HSPH1: variants seen among roughly 807,000 people sequenced by gnomAD.
HSPH1 encodes the protein heat shock protein 105 kDa.
In HSPH1, 40 loss-of-function variants were observed where a neutral mutation model predicts 100.0. The ratio of observed to expected loss-of-function variants is 0.40; its 90% CI spans 0.31 to 0.52. The LOEUF is 0.52. Ranked by LOEUF, HSPH1 falls within the 20% of genes least tolerant of loss-of-function variation. The pLI, the probability that HSPH1 is intolerant of heterozygous loss-of-function variation, is 0.54. For missense variants in HSPH1, 876 were observed against 1,015.1 expected (o/e 0.86, Z 1.86); for synonymous variants, 403 against 344.0 (o/e 1.17, Z -1.90).
intron 12 of HSPH1, among the ~76,000 whole-genome samples, chr13:31,141,801 TACACACAC>T (rs58627057): frequency 3.3e-5 from 3 of 91,570 alleles, no homozygotes; most frequent in African/African-American, 7.9e-5. Flanking sequence ...TACACATACA[TACACACAC>T]ACACACACAC....
chr13:31,143,865 G>T lies in HSPH1; in HGVS notation c.1643C>A (p.Ala548Asp). The T allele has an allele frequency of 1.2e-6, 2 of 1,611,698 alleles. No homozygotes were observed. Among genetic ancestry groups the T allele is most frequent in the Non-Finnish European group, 1.7e-6 (2 of 1,178,622 alleles). Residue 548 changes from alanine (A) to aspartate (D), a missense_variant, in exon 12 of 18, where the codon GCT becomes GAT. Transcript: ENST00000320027. ...AGTQPQVQTD[A>D]QQTSQSPPSP... ...AGGGGGAGACTGTGAGGTTTGTTGAGCATCAGTTTGTACCTGGGGCTGTGT... is the reference window on the plus strand; with the variant it reads ...AGGGGGAGACTGTGAGGTTTGTTGATCATCAGTTTGTACCTGGGGCTGTGT...
chr13:31,161,085 G>A (rs1048210777), intron 1 of HSPH1, among the ~76,000 whole-genome samples: 6 of 152,228 alleles, frequency 3.9e-5, no homozygotes, highest in Admixed American at 2.6e-4. Flanking sequence ...CAGAGAGGCC[G>A]GGTGGGGATA....
intron 8 of HSPH1, among the ~76,000 whole-genome samples, chr13:31,148,755 GGTCT>G (rs1214661986): frequency 1.3e-5 from 2 of 151,950 alleles, no homozygotes; most frequent in African/African-American, 2.4e-5. Context: ...AAAAAAGCCT[GGTCT>G]TTCTAGAAAT....
chr13:31,150,248 C>A, intron 7 of HSPH1, 66 bp from the exon 8 acceptor site: 2 of 1,121,884 alleles, frequency 1.8e-6, no homozygotes, highest in Non-Finnish European at 2.6e-6. Context: ...TTTGACAACC[C>A]AATGAATTTC....
intron 2 of HSPH1, among the ~76,000 whole-genome samples, chr13:31,156,882 C>T (rs1288712616): frequency 2.0e-5 from 3 of 152,104 alleles, no homozygotes. Flanking sequence ...TTTAATCCAC[C>T]GTTTTGGTCA....
At chr13:31,147,493 C>G (rs750850733) in intron 10 of HSPH1, among the ~76,000 whole-genome samples, 36 of 151,644 alleles carry the variant, frequency 2.4e-4, no homozygotes, top group African/African-American at 8.2e-4. Context: ...AAAATATGTA[C>G]CAAAAAAAAC....
chr13:31,147,661 G>T (rs1052797802), intron 10 of HSPH1, among the ~76,000 whole-genome samples: 4 of 152,080 alleles, frequency 2.6e-5, no homozygotes, highest in Middle Eastern at 3.4e-3. Flanking sequence ...TATACAGACT[G>T]TATCAGAACA....
At position 31,138,929 on chromosome 13, in the gene HSPH1, TATC is replaced by T. The variant is rs770835083; in HGVS notation, c.2089-32_2089-30del. ...AAATAAAATGTAATAAATTAATAGT[TATC>T]ATAATTTTATTTTAAAGTCTATAGT... On this transcript the variant is annotated intron_variant, in intron 15 of 17. Coordinates refer to ENST00000320027, the MANE Select transcript of HSPH1 (RefSeq NM_006644.4). The T allele has an allele frequency of 3.8e-6, 6 of 1,572,594 alleles. No homozygotes were observed. In the South Asian group the frequency reaches 4.7e-5, roughly 12 times the overall value.
chr13:31,158,501 A>T (rs1485599761), intron 2 of HSPH1, among the ~76,000 whole-genome samples: 1 of 147,422 alleles, frequency 6.8e-6, no homozygotes, highest in Non-Finnish European at 1.5e-5. Flanking sequence ...GTGAGCCGAG[A>T]TCGCGCCACT....
At chr13:31,148,834 C>T (rs963691495) in intron 8 of HSPH1, among the ~76,000 whole-genome samples, 2 of 151,932 alleles carry the variant, frequency 1.3e-5, no homozygotes, top group African/African-American at 4.8e-5. Flanking sequence ...CATACATGAA[C>T]AGTTCTGTCT....
chr13:31,155,915 G>C (rs1198494066), intron 2 of HSPH1, among the ~76,000 whole-genome samples: 1 of 152,160 alleles, frequency 6.6e-6, no homozygotes, highest in African/African-American at 2.4e-5. Flanking sequence ...AGACTTTAAA[G>C]ATTTCAAAAT....
intron 3 of HSPH1, 131 bp from the exon 4 acceptor site, chr13:31,154,886 G>T: frequency 1.3e-6 from 1 of 757,458 alleles, no homozygotes; most frequent in Non-Finnish European, 2.0e-6. Flanking sequence ...GTTTTGGGAA[G>T]AAGGAAGAAA....
upstream of HSPH1, chr13:31,161,927 C>A (rs868863870): frequency 2.6e-5 from 40 of 1,522,580 alleles, no homozygotes; most frequent in South Asian, 4.7e-4. Context: ...CCCACTTCCT[C>A]AGCCTTATGT....
At chr13:31,143,427 T>A (rs771154824) in intron 12 of HSPH1, among the ~76,000 whole-genome samples, 1 of 152,148 alleles carries the variant, frequency 6.6e-6, no homozygotes, top group Non-Finnish European at 1.5e-5. Context: ...ATATTTATCA[T>A]CTGATTAGTT....
At chr13:31,143,093 A>T (rs926803238) in intron 12 of HSPH1, among the ~76,000 whole-genome samples, 1 of 152,142 alleles carries the variant, frequency 6.6e-6, no homozygotes, top group African/African-American at 2.4e-5. Flanking sequence ...AAGAGAAACC[A>T]AACAACCAAG....
chr13:31,161,349 G>A (rs1200992776), intron 1 of HSPH1, 127 bp downstream of exon 1: 2 of 1,468,538 alleles, frequency 1.4e-6, no homozygotes, highest in Middle Eastern at 2.3e-4. Flanking sequence ...TAGTTCCACG[G>A]AGGGGTGCGC....
rs746171099 is a variant in HSPH1 at position 31,155,541 on chromosome 13, T to G, written c.279A>C (p.Pro93=). Residue 93 remains proline (P), a synonymous_variant, in exon 3 of 18, where the codon CCA becomes CCC. Transcript: ENST00000320027. ...EKENLSYDLV[P]LKNGGVGIKV... is the part of the protein sequence containing the mutation. ...TTATTCCAACTCCACCATTTTTCAATGGAACCAAATCGTAACTCAAGTTTT... is the reference window on the plus strand; with the variant it reads ...TTATTCCAACTCCACCATTTTTCAAGGGAACCAAATCGTAACTCAAGTTTT... 2 of 1,611,268 alleles carry G rather than the reference T, an allele frequency of 1.2e-6. No individual in the cohort carries two copies. Among genetic ancestry groups the G allele is most frequent in the Admixed American group, 1.7e-5 (1 of 59,688 alleles).
At chr13:31,141,801 TACACAC>T (rs58627057) in intron 12 of HSPH1, among the ~76,000 whole-genome samples, 29 of 91,660 alleles carry the variant, frequency 3.2e-4, no homozygotes, top group Admixed American at 6.5e-4. Context: ...TACACATACA[TACACAC>T]ACACACACAC....
intron 10 of HSPH1, among the ~76,000 whole-genome samples, chr13:31,146,495 C>A (rs1956269903): frequency 2.0e-5 from 3 of 152,158 alleles, no homozygotes; most frequent in Non-Finnish European, 4.4e-5. Context: ...AAGATGATAG[C>A]AAGCACATGC....
Sources: allele counts gnomAD v4.1 joint callset (sites outside exome capture counted in the v4.1 genomes callset), GRCh38; gene constraint gnomAD v4.1.1; transcripts MANE v1.5; gene names NCBI Gene and HGNC (gene_info 2026-07-23, HGNC 2026-07-21).